The following RAB22A variants were observed in gnomAD, a reference collection of about 807,000 sequenced individuals.
RAB22A encodes RAB22A, member RAS oncogene family.
In RAB22A, 13 loss-of-function variants were observed where a neutral mutation model predicts 30.2. The observed-to-expected ratio is 0.43, with a 90% CI of 0.28 to 0.68. RAB22A has a LOEUF of 0.68. Among genes scored for constraint, RAB22A ranks in the 30% least tolerant of loss-of-function variants. The pLI is 0.18. For synonymous variants in RAB22A, 89 were observed against 87.2 expected (o/e 1.02, Z -0.11); for missense variants, 177 against 246.8 (o/e 0.72, Z 1.89).
At chr20:58,322,620 T>C (rs539090766) in intron 2 of RAB22A, among the ~76,000 whole-genome samples, 1 of 152,376 alleles carries the variant, frequency 6.6e-6, no homozygotes, top group South Asian at 2.1e-4. Context: ...ATTTTAATGA[T>C]TTGCTAGAAT....
At position 58,361,134 on chromosome 20, in the gene RAB22A, T is replaced by G. The variant is rs139346671; in HGVS notation, c.*1431T>G. On this transcript the variant is annotated 3_prime_UTR_variant, in exon 7 of 7. Coordinates refer to ENST00000244040, the MANE Select transcript of RAB22A (RefSeq NM_020673.3). ...AAATAAAGCATTGAAGTGAAGTTGG[T>G]GAAAATTTGTTCCTGGTCTAATTTG... is the stretch of plus-strand genomic sequence containing the variant. The G allele has an allele frequency of 0.01, 1,559 of 152,766 alleles. 16 individuals are homozygous for G. Among genetic ancestry groups the G allele is most frequent in the Non-Finnish European group, 0.017 (1,163 of 68,032 alleles). The allele number at this position is 152,766 out of a possible 1,614,324, so 9.5% of individuals were successfully genotyped here. A position where few individuals can be genotyped will look rare whatever the true frequency, so the allele number is the denominator to read the frequency against.
intron 2 of RAB22A, among the ~76,000 whole-genome samples, chr20:58,323,515 CTAGGTAT>C (rs1451973074): frequency 1.3e-5 from 2 of 151,854 alleles, no homozygotes; most frequent in African/African-American, 4.8e-5. Flanking sequence ...AATGGTAATA[CTAGGTAT>C]TATCCTAATC....
At chr20:58,336,040 C>G (rs898652242) in intron 2 of RAB22A, among the ~76,000 whole-genome samples, 1 of 152,174 alleles carries the variant, frequency 6.6e-6, no homozygotes, top group Non-Finnish European at 1.5e-5. Flanking sequence ...GACAGTCTCT[C>G]GCTCTGTCGC....
rs538111107 is a variant in RAB22A, at chr20:58,361,584, A to G, written c.*1881A>G. The G allele has an allele frequency of 6.6e-5, 10 of 152,206 alleles. No individual in the cohort carries two copies. Among genetic ancestry groups the G allele is most frequent in the Non-Finnish European group, 1.5e-4 (10 of 68,022 alleles). The allele number at this position is 152,206 out of a possible 1,614,324, so 9.4% of individuals were successfully genotyped here. A position where few individuals can be genotyped will look rare whatever the true frequency, so the allele number is the denominator to read the frequency against. On this transcript the variant is annotated 3_prime_UTR_variant, in exon 7 of 7. Coordinates refer to ENST00000244040, the MANE Select transcript of RAB22A (RefSeq NM_020673.3). ...TGATTCCCAGAGCCAGGCGCTTTACACCTAAAGTAGTTTGACTTTCTTCTG... is the reference window on the plus strand; with the variant it reads ...TGATTCCCAGAGCCAGGCGCTTTACGCCTAAAGTAGTTTGACTTTCTTCTG...
At chr20:58,358,173 C>T (rs2122973101) in intron 6 of RAB22A, among the ~76,000 whole-genome samples, 1 of 152,312 alleles carries the variant, frequency 6.6e-6, no homozygotes, top group East Asian at 1.9e-4. Flanking sequence ...CTTGAGTTAT[C>T]AGCCAGGTAG....
intron 1 of RAB22A, among the ~76,000 whole-genome samples, 155 bp from the exon 2 acceptor site, chr20:58,310,888 G>T (rs1448347733): frequency 1.3e-5 from 2 of 152,250 alleles, no homozygotes; most frequent in African/African-American, 4.8e-5. Context: ...TTACTCTACT[G>T]AATTTTTATG....
intron 2 of RAB22A, among the ~76,000 whole-genome samples, chr20:58,331,305 T>C (rs945623505): frequency 1.3e-5 from 2 of 152,162 alleles, no homozygotes; most frequent in Non-Finnish European, 2.9e-5. Context: ...GTGTTTTTTT[T>C]AATCTTCGTA....
At position 58,366,668 on chromosome 20, in the gene RAB22A, G is replaced by A. The variant is rs568406889; in HGVS notation, c.*6965G>A. ...AACAAATAAAATAAGAAACACAGAG[G>A]CCAGTGTTAGGTGAAGAACTCCGCT... On this transcript the variant is annotated 3_prime_UTR_variant, in exon 7 of 7. Transcript: ENST00000244040. 2 of 152,238 alleles carry A rather than the reference G, an allele frequency of 1.3e-5. No individual in the cohort carries two copies. The highest frequency in any genetic ancestry group is 1.3e-4 in the Admixed American group (2 of 15,306). 9.4% of individuals were successfully genotyped at this position (152,238 alleles called of 1,614,324 possible). A position where few individuals can be genotyped will look rare whatever the true frequency, so the allele number is the denominator to read the frequency against.
At chr20:58,344,262 A>G (rs528126146) in intron 3 of RAB22A, among the ~76,000 whole-genome samples, 420 of 152,328 alleles carry the variant, frequency 2.8e-3, no homozygotes, top group Non-Finnish European at 5.2e-3. Context: ...CTTGCAATAG[A>G]TACTTAATAA....
At chr20:58,318,380 A>G (rs922994141) in intron 2 of RAB22A, among the ~76,000 whole-genome samples, 5 of 152,166 alleles carry the variant, frequency 3.3e-5, no homozygotes, top group African/African-American at 9.7e-5. Context: ...ACATGCATGC[A>G]CAGGTTGAGT....
intron 3 of RAB22A, among the ~76,000 whole-genome samples, chr20:58,344,686 A>T (rs906735740): frequency 2.0e-5 from 3 of 152,248 alleles, no homozygotes; most frequent in African/African-American, 7.2e-5. Flanking sequence ...TAATCAGGAA[A>T]AATAGTCTGT....
intron 2 of RAB22A, among the ~76,000 whole-genome samples, chr20:58,319,829 G>A (rs564807912): frequency 6.6e-6 from 1 of 152,058 alleles, no homozygotes; most frequent in South Asian, 2.1e-4. Flanking sequence ...GAGATTTTTT[G>A]TCATGAATTG....
chr20:58,323,670 A>G (rs1029058171), intron 2 of RAB22A, among the ~76,000 whole-genome samples: 1 of 124,130 alleles, frequency 8.1e-6, no homozygotes, highest in African/African-American at 3.1e-5. Flanking sequence ...TGGTGTCACT[A>G]TGTTGTTCGG....
chr20:58,311,104 A>G lies in RAB22A; in HGVS notation c.98A>G (p.Asn33Ser), dbSNP rs375029544. ...TTTGTGGAAGACAGTTTTGATCCAA[A>G]CATCAACCCAACAATAGGGTAAGAG... ...WRFVEDSFDP[N>S]INPTIGASFM... is the part of the protein sequence containing the mutation. Residue 33 changes from asparagine to serine, a missense_variant, in exon 2 of 7, where the codon AAC becomes AGC. By Grantham distance (46) the Asn-to-Ser change is conservative. Coordinates refer to ENST00000244040, the MANE Select transcript of RAB22A (RefSeq NM_020673.3). 1.3e-6 allele frequency: 2 copies of G among 1,595,210 alleles called. No individual in the cohort carries two copies. Among genetic ancestry groups the G allele is most frequent in the African/African-American group, 1.3e-5 (1 of 74,496 alleles).
intron 3 of RAB22A, chr20:58,345,693 ATTGT>A (rs946933979): frequency 6.6e-6 from 1 of 152,266 alleles, no homozygotes; most frequent in African/African-American, 2.4e-5. Flanking sequence ...CTACCCACAA[ATTGT>A]TTGAAATGCT....
chr20:58,352,304 C>G (rs547090595), intron 3 of RAB22A, among the ~76,000 whole-genome samples: 1 of 152,182 alleles, frequency 6.6e-6, no homozygotes, highest in African/African-American at 2.4e-5. Context: ...GTATGTGCAC[C>G]AAATGCTCCC....
rs1986216725 is a variant in RAB22A, at chr20:58,311,097, G to A, written c.91G>A (p.Asp31Asn). ...GTGGCGGTTTGTGGAAGACAGTTTT[G>A]ATCCAAACATCAACCCAACAATAGG... The part of the protein sequence containing the change: ...IVWRFVEDSF[D>N]PNINPTIGAS... The change falls in exon 2 of 7, where the codon GAT (aspartate) becomes AAT (asparagine). Residue 31 changes from aspartate (D) to asparagine (N), a missense_variant. Transcript: ENST00000244040. The A allele has an allele frequency of 6.2e-7, 1 of 1,601,050 alleles. No individual in the cohort carries two copies.
At chr20:58,338,897 C>T (rs1459179177) in intron 2 of RAB22A, among the ~76,000 whole-genome samples, 2 of 152,138 alleles carry the variant, frequency 1.3e-5, no homozygotes, top group African/African-American at 2.4e-5. Flanking sequence ...AAGTGAGAAT[C>T]CTTTGTTAAT....
chr20:58,329,329 A>T (rs1476840098), intron 2 of RAB22A, among the ~76,000 whole-genome samples: 1 of 152,220 alleles, frequency 6.6e-6, no homozygotes, highest in Non-Finnish European at 1.5e-5. Context: ...CTGGGATTAC[A>T]GGCATGAGCC....
Sources: allele counts gnomAD v4.1 joint callset (sites outside exome capture counted in the v4.1 genomes callset), GRCh38; gene constraint gnomAD v4.1.1; transcripts MANE v1.5; gene names NCBI Gene and HGNC (gene_info 2026-07-23, HGNC 2026-07-21).